CDYL2: variants seen among roughly 807,000 people sequenced by gnomAD.
CDYL2 encodes chromodomain Y like 2, also known as chromodomain Y-like protein 2.
CDYL2 carries 23 observed loss-of-function variants against 49.4 expected under a neutral mutation model. The observed-to-expected ratio is 0.47, with a 90% confidence interval of 0.34 to 0.66. The LOEUF (loss-of-function observed/expected upper bound fraction) is 0.66. Ranked by LOEUF, CDYL2 falls within the 30% of genes least tolerant of loss-of-function variation. CDYL2 has a pLI of 0.01. For synonymous variants in CDYL2, 360 were observed against 268.8 expected (o/e 1.34, Z -3.32); for missense variants, 678 against 656.4 (o/e 1.03, Z -0.36).
intron 4 of CDYL2, among the ~76,000 whole-genome samples, chr16:80,614,582 G>A (rs117533698): frequency 2.1e-4 from 32 of 152,280 alleles, no homozygotes; most frequent in African/African-American, 7.5e-4. Flanking sequence ...TACAAAAGTC[G>A]AGGCTGGGCA....
At chr16:80,683,696 A>C (rs998754679) in intron 2 of CDYL2, among the ~76,000 whole-genome samples, 9 of 152,166 alleles carry the variant, frequency 5.9e-5, no homozygotes, top group African/African-American at 2.2e-4. Flanking sequence ...AGGGGCCTTT[A>C]GGAGGTAATT....
At chr16:80,662,014 G>A (rs149117713) in intron 2 of CDYL2, among the ~76,000 whole-genome samples, 26 of 152,296 alleles carry the variant, frequency 1.7e-4, no homozygotes, top group African/African-American at 6.0e-4. Context: ...TCTTAATAAT[G>A]TTCCTAGTAT....
chr16:80,672,589 GGAAAGGAAAGGAAAGGAAAGGAAAA>G (rs1199549971), intron 2 of CDYL2, among the ~76,000 whole-genome samples: 14 of 148,518 alleles, frequency 9.4e-5, no homozygotes, highest in African/African-American at 3.5e-4. Context: ...GGAAAGGAAA[GGAAAGGAAAGGAAAGGAAAGGAAAA>G]GAAAGGAAAG....
At chr16:80,701,661 G>C (rs920588069) in intron 1 of CDYL2, among the ~76,000 whole-genome samples, 1 of 152,186 alleles carries the variant, frequency 6.6e-6, no homozygotes. Flanking sequence ...GAAATGAATG[G>C]AGCTGTATGT....
chr16:80,668,583 C>A (rs1222178748), intron 2 of CDYL2, among the ~76,000 whole-genome samples: 1 of 151,856 alleles, frequency 6.6e-6, no homozygotes, highest in African/African-American at 2.4e-5. Flanking sequence ...CAGAAGTCAC[C>A]TCTAAATAGG....
In CDYL2 at chr16:80,684,572, G is replaced by C. The variant is rs149647231; in HGVS notation, c.582C>G (p.Asp194Glu). 1.2e-5 allele frequency: 19 copies of C among 1,614,056 alleles called. No individual in the cohort carries two copies. The highest frequency in any genetic ancestry group is 1.4e-5 in the Non-Finnish European group (17 of 1,179,962). Residue 194 changes from aspartate to glutamate, a missense_variant, in exon 2 of 7, where the codon GAC becomes GAG. By Grantham distance (45) the Asp-to-Glu change is conservative. This residue lies in a region of CDYL2 where 478 missense variants were observed against 427.0 expected (regional missense o/e 1.12). Transcript: ENST00000570137. Reference protein sequence around the residue: ...HVGEQDMGECDVNHATLAENG... With the variant: ...HVGEQDMGECEVNHATLAENG... ...TCTCCGCCAGTGTAGCGTGATTCACGTCACATTCACCCATATCTTGCTCTC... is the reference window on the plus strand; with the variant it reads ...TCTCCGCCAGTGTAGCGTGATTCACCTCACATTCACCCATATCTTGCTCTC...
Position 80,782,093 on chromosome 16 carries a change from C to T in CDYL2, c.24+22057G>A, listed in dbSNP as rs1231378821. The stretch of plus-strand genomic sequence containing the variant: ...AAACAATAGAGAAAATCAAAGAAAC[C>T]AAAGTCTATTCTTTGGAAAGACCAA... On this transcript the variant is annotated intron_variant, in intron 1 of 6. Coordinates refer to ENST00000570137, the MANE Select transcript of CDYL2 (RefSeq NM_152342.4). Among the ~76,000 whole-genome samples, 5 of 151,432 alleles carry T rather than the reference C, an allele frequency of 3.3e-5. No homozygotes were observed. In the South Asian group the frequency reaches 8.4e-4, roughly 25 times the overall value.
intron 2 of CDYL2, among the ~76,000 whole-genome samples, chr16:80,678,249 A>G (rs897759300): frequency 2.2e-4 from 34 of 152,374 alleles, no homozygotes; most frequent in African/African-American, 8.2e-4. Flanking sequence ...ACAAAAGCCA[A>G]AATTGACAAA....
intron 2 of CDYL2, among the ~76,000 whole-genome samples, chr16:80,664,286 T>C (rs1395156088): frequency 6.6e-6 from 1 of 152,126 alleles, no homozygotes; most frequent in African/African-American, 2.4e-5. Flanking sequence ...CTTCCTCTGT[T>C]CCCTTGGCCA....
At chr16:80,716,261 T>C (rs1904795197) in intron 1 of CDYL2, among the ~76,000 whole-genome samples, 1 of 152,258 alleles carries the variant, frequency 6.6e-6, no homozygotes, top group South Asian at 2.1e-4. Context: ...AGTACTTACA[T>C]CATAATTATA....
At chr16:80,613,589 G>A (rs1906698776) in intron 4 of CDYL2, among the ~76,000 whole-genome samples, 1 of 152,118 alleles carries the variant, frequency 6.6e-6, no homozygotes, top group Admixed American at 6.6e-5. Flanking sequence ...TACAAGACTG[G>A]GCAATATTTT....
At chr16:80,707,547 G>T (rs1271952174) in intron 1 of CDYL2, among the ~76,000 whole-genome samples, 1 of 152,174 alleles carries the variant, frequency 6.6e-6, no homozygotes, top group Admixed American at 6.5e-5. Flanking sequence ...GCTCCTTCTG[G>T]TTCGGTGACT....
chr16:80,797,455 G>A (rs1907798788), intron 1 of CDYL2, among the ~76,000 whole-genome samples: 2 of 152,188 alleles, frequency 1.3e-5, no homozygotes, highest in African/African-American at 4.8e-5. Context: ...AGCTACATGT[G>A]ACCACATAAC....
intron 1 of CDYL2, among the ~76,000 whole-genome samples, chr16:80,720,321 A>G (rs1235173149): frequency 6.6e-6 from 1 of 152,192 alleles, no homozygotes; most frequent in Non-Finnish European, 1.5e-5. Context: ...AAGCAAAGAG[A>G]CAAAAACTAG....
At chr16:80,775,785 G>A (rs1203536674) in intron 1 of CDYL2, among the ~76,000 whole-genome samples, 4 of 151,488 alleles carry the variant, frequency 2.6e-5, no homozygotes, top group African/African-American at 4.8e-5. Flanking sequence ...AGCCAATAAC[G>A]ATCTACAGAA....
intron 1 of CDYL2, among the ~76,000 whole-genome samples, chr16:80,701,872 T>C (rs939433799): frequency 6.6e-6 from 1 of 152,182 alleles, no homozygotes; most frequent in Non-Finnish European, 1.5e-5. Flanking sequence ...AGAAGGCACT[T>C]CTACAATAAC....
chr16:80,769,970 C>T (rs754878858), intron 1 of CDYL2, among the ~76,000 whole-genome samples: 3 of 152,018 alleles, frequency 2.0e-5, no homozygotes, highest in Non-Finnish European at 2.9e-5. Flanking sequence ...GATTTTTCTG[C>T]TCATTTATAT....
chr16:80,788,841 T>C (rs1907518336), intron 1 of CDYL2, among the ~76,000 whole-genome samples: 1 of 152,166 alleles, frequency 6.6e-6, no homozygotes, highest in South Asian at 2.1e-4. Context: ...CTGTTTTTAT[T>C]ATGCCCTCAT....
At position 80,624,002 on chromosome 16, in the gene CDYL2, G is replaced by C. The variant is rs114440107; in HGVS notation, c.835-3067C>G. Among the ~76,000 whole-genome samples, 1,029 of 152,228 alleles carry C rather than the reference G, an allele frequency of 6.8e-3. 16 individuals are homozygous for C. The highest frequency in any genetic ancestry group is 0.023 in the African/African-American group (963 of 41,528). ...CTCCTGCCACATGCTACGTTCTGAGGCCCAAGCATCATCCAGACCCTCCAA... is the reference window on the plus strand; with the variant it reads ...CTCCTGCCACATGCTACGTTCTGAGCCCCAAGCATCATCCAGACCCTCCAA... On this transcript the variant is annotated intron_variant, in intron 3 of 6. Coordinates refer to ENST00000570137, the MANE Select transcript of CDYL2 (RefSeq NM_152342.4).
Sources: allele counts gnomAD v4.1 joint callset (sites outside exome capture counted in the v4.1 genomes callset), GRCh38; gene constraint gnomAD v4.1.1; regional missense constraint gnomAD v4.1.1; transcripts MANE v1.5; gene names NCBI Gene and HGNC (gene_info 2026-07-23, HGNC 2026-07-21).